LRIF1: variants seen among roughly 807,000 people sequenced by gnomAD.
The protein encoded by LRIF1 is ligand-dependent nuclear receptor-interacting factor 1.
A neutral mutation model predicts 52.7 loss-of-function variants in LRIF1; 32 were observed. The observed-to-expected ratio is 0.61, with a 90% CI of 0.46 to 0.82. The LOEUF (loss-of-function observed/expected upper bound fraction) is 0.82, where lower values mean the gene tolerates loss of function less well. Among genes scored for constraint, LRIF1 ranks in the 40% least tolerant of loss-of-function variants. LRIF1 has a pLI of 0.00. For synonymous variants in LRIF1, 323 were observed against 317.4 expected, an observed-to-expected ratio of 1.02 and a Z score of -0.19; for missense variants, 887 against 892.0, an observed-to-expected ratio of 0.99 and a Z score of 0.07.
chr1:110,938,588 C>G, the LRIF1 span: 8 of 152,072 alleles, frequency 5.3e-5, no homozygotes, highest in Admixed American at 1.3e-4. Flanking sequence ...TATGATGGTC[C>G]CATAGCTAGT....
chr1:110,918,266 T>G, the LRIF1 span, among the ~76,000 whole-genome samples: 1 of 152,134 alleles, frequency 6.6e-6, no homozygotes, highest in Non-Finnish European at 1.5e-5. Flanking sequence ...CTGTCACTAA[T>G]ACTCAGCACT....
the LRIF1 span, among the ~76,000 whole-genome samples, chr1:110,885,170 CTAT>C: frequency 2.0e-5 from 3 of 152,176 alleles, no homozygotes; most frequent in Non-Finnish European, 1.5e-5. Context: ...AGTCTCTACA[CTAT>C]TATTATCATA....
chr1:110,933,607 T>A, the LRIF1 span, among the ~76,000 whole-genome samples: 11 of 152,096 alleles, frequency 7.2e-5, no homozygotes, highest in Non-Finnish European at 1.2e-4. Context: ...AAAACGAAAC[T>A]CACCTGATGC....
the LRIF1 span, among the ~76,000 whole-genome samples, chr1:110,929,898 A>T: frequency 6.6e-6 from 1 of 152,156 alleles, no homozygotes; most frequent in Non-Finnish European, 1.5e-5. Flanking sequence ...AGAAAAAAGA[A>T]CTATTAGGTA....
At chr1:110,922,630 T>C in the LRIF1 span, among the ~76,000 whole-genome samples, 1 of 152,228 alleles carries the variant, frequency 6.6e-6, no homozygotes, top group African/African-American at 2.4e-5. Flanking sequence ...ATATGAATAA[T>C]ACAAATTGTT....
intron 1 of LRIF1, among the ~76,000 whole-genome samples, chr1:110,960,154 GAAACATTTA>G (rs1203317932): frequency 6.6e-6 from 1 of 152,080 alleles, no homozygotes; most frequent in African/African-American, 2.4e-5. Context: ...TGGAGATTTG[GAAACATTTA>G]ATAACTTACT....
the LRIF1 span, among the ~76,000 whole-genome samples, chr1:110,902,937 G>A: frequency 6.6e-6 from 1 of 152,192 alleles, no homozygotes; most frequent in African/African-American, 2.4e-5. Flanking sequence ...GCAGCAGCAT[G>A]ATGCGGAGAG....
At chr1:110,963,497 G>A (rs1009850247) in intron 1 of LRIF1, 124 bp downstream of exon 1, 1 of 706,446 alleles carries the variant, frequency 1.4e-6, no homozygotes, top group Admixed American at 2.8e-5. Flanking sequence ...CTTCCCGCCT[G>A]GGTGGCGCAC....
chr1:110,963,739 G>C lies in LRIF1; in HGVS notation c.-51C>G. 2 of 1,455,570 alleles carry C rather than the reference G, an allele frequency of 1.4e-6. No individual in the cohort carries two copies. The highest frequency in any genetic ancestry group is 1.9e-6 in the Non-Finnish European group (2 of 1,051,040). The allele number at this position is 1,455,570 out of a possible 1,614,324, so 90.2% of individuals were successfully genotyped here. Reference sequence around the variant, plus strand: ...CATCCAGAAAAGTGGGAAGCGTGGGGCCGAGTTTCCCAATGGGGCGAGAAC... The same window carrying C: ...CATCCAGAAAAGTGGGAAGCGTGGGCCCGAGTTTCCCAATGGGGCGAGAAC... On this transcript the variant is annotated 5_prime_UTR_variant, in exon 1 of 4. Transcript: ENST00000369763.
At chr1:110,944,843 TTTAGC>T (rs1399768931), downstream of LRIF1, 3 of 151,966 alleles carry the variant, frequency 2.0e-5, no homozygotes, top group African/African-American at 7.2e-5. Context: ...AATTGGTAAA[TTTAGC>T]TTTAGTATTA....
the LRIF1 span, among the ~76,000 whole-genome samples, chr1:110,917,384 G>C: frequency 4.7e-3 from 718 of 152,234 alleles, no homozygotes; most frequent in Non-Finnish European, 7.8e-3. Context: ...TGTTTAACCA[G>C]CTCCCAAAAT....
At chr1:110,905,727 A>G in the LRIF1 span, among the ~76,000 whole-genome samples, 1 of 152,194 alleles carries the variant, frequency 6.6e-6, no homozygotes, top group South Asian at 2.1e-4. Flanking sequence ...AAGTACACAA[A>G]AAGACAGAGA....
chr1:110,932,237 G>C, the LRIF1 span, among the ~76,000 whole-genome samples: 1 of 152,138 alleles, frequency 6.6e-6, no homozygotes, highest in Non-Finnish European at 1.5e-5. Flanking sequence ...TTATTAAATA[G>C]GGAATCTTTC....
At chr1:110,889,874 A>G in the LRIF1 span, among the ~76,000 whole-genome samples, 1 of 152,320 alleles carries the variant, frequency 6.6e-6, no homozygotes, top group South Asian at 2.1e-4. Flanking sequence ...AATCTAATTT[A>G]TTTTATTTTA....
intron 1 of LRIF1, among the ~76,000 whole-genome samples, chr1:110,957,180 AGGTGC>A (rs1307360217): frequency 6.6e-6 from 1 of 151,388 alleles, no homozygotes; most frequent in East Asian, 2.0e-4. Context: ...ACAATTCGCC[AGGTGC>A]GGTGGCTCAC....
the LRIF1 span, among the ~76,000 whole-genome samples, chr1:110,926,625 A>G: frequency 6.6e-6 from 1 of 152,166 alleles, no homozygotes; most frequent in East Asian, 1.9e-4. Flanking sequence ...ACATTACAAA[A>G]GACTTAAATA....
chr1:110,917,062 G>A, the LRIF1 span, among the ~76,000 whole-genome samples: 1 of 152,192 alleles, frequency 6.6e-6, no homozygotes, highest in East Asian at 1.9e-4. Context: ...CTCACCTTGT[G>A]GGTGTGGGCA....
chr1:110,879,025 T>C, the LRIF1 span, among the ~76,000 whole-genome samples: 1 of 152,036 alleles, frequency 6.6e-6, no homozygotes, highest in Non-Finnish European at 1.5e-5. Context: ...TTTGATTTCT[T>C]TTTGTTTTTT....
chr1:110,889,587 T>G, the LRIF1 span, among the ~76,000 whole-genome samples: 1 of 151,460 alleles, frequency 6.6e-6, no homozygotes, highest in African/African-American at 2.4e-5. Context: ...AATAAATAAA[T>G]AAAGACTAAA....
Sources: allele counts gnomAD v4.1 joint callset (sites outside exome capture counted in the v4.1 genomes callset), GRCh38; gene constraint gnomAD v4.1.1; transcripts MANE v1.5; gene names NCBI Gene and HGNC (gene_info 2026-07-23, HGNC 2026-07-21).